STAG2: variants seen among roughly 807,000 people sequenced by gnomAD.
STAG2 encodes the protein cohesin subunit SA-2.
STAG2 carries 14 observed loss-of-function variants against 108.1 expected under a neutral mutation model. The observed-to-expected ratio is 0.13, with a 90% CI of 0.09 to 0.20. The LOEUF (loss-of-function observed/expected upper bound fraction) is 0.20. Ranked by LOEUF, STAG2 falls within the 10% of genes least tolerant of loss-of-function variation. The probability of loss-of-function intolerance (pLI) is 1.00; values close to 1 mark genes in which losing one functional copy is unlikely to be tolerated. For synonymous variants in STAG2, 307 were observed against 302.7 expected (o/e 1.01, Z -0.15); for missense variants, 440 against 940.9 (o/e 0.47, Z 6.96).
intron 1 of STAG2, among the ~76,000 whole-genome samples, chrX:124,009,092 T>C (rs1569501652): frequency 8.9e-6 from 1 of 111,827 alleles, no homozygotes; most frequent in Non-Finnish European, 1.9e-5. Context: ...TATTTGTTTT[T>C]AATAATATAT....
At chrX:124,070,732 G>A (rs1418180792) in intron 24 of STAG2, among the ~76,000 whole-genome samples, 2 of 111,423 alleles carry the variant, frequency 1.8e-5, no homozygotes, top group Non-Finnish European at 3.8e-5. Flanking sequence ...AGAGTGAAGA[G>A]TGGTACCAAG....
intron 25 of STAG2, among the ~76,000 whole-genome samples, chrX:124,074,541 A>G (rs1304440931): frequency 9.0e-6 from 1 of 111,522 alleles, no homozygotes; most frequent in East Asian, 2.8e-4. Context: ...CCCTCCTTCC[A>G]GCAGCATATG....
chrX:124,051,625 C>G (rs1472773570), intron 13 of STAG2, among the ~76,000 whole-genome samples: 1 of 108,709 alleles, frequency 9.2e-6, no homozygotes, highest in African/African-American at 3.4e-5. Context: ...GAGTCTCACT[C>G]TGTCCCCCAG....
At chrX:123,985,307 G>A (rs753599541) in intron 1 of STAG2, among the ~76,000 whole-genome samples, 14 of 111,002 alleles carry the variant, frequency 1.3e-4, no homozygotes, top group Non-Finnish European at 2.3e-4. Flanking sequence ...ACAGCTCATT[G>A]TAGCCTTGGC....
chrX:124,034,703 A>C (rs997412104), intron 5 of STAG2, among the ~76,000 whole-genome samples: 1 of 111,190 alleles, frequency 9.0e-6, no homozygotes, highest in African/African-American at 3.3e-5. Flanking sequence ...CTCAGACACT[A>C]CTACTTTTCC....
At chrX:124,072,631 CTCA>C (rs1165129513) in intron 25 of STAG2, among the ~76,000 whole-genome samples, 1 of 110,287 alleles carries the variant, frequency 9.1e-6, no homozygotes, top group Non-Finnish European at 1.9e-5. Flanking sequence ...GAGACAAGGT[CTCA>C]TCCTTCAAGA....
chrX:124,057,706 A>G, intron 14 of STAG2, among the ~76,000 whole-genome samples, 160 bp from the exon 15 acceptor site: 1 of 112,034 alleles, frequency 8.9e-6, no homozygotes, highest in Middle Eastern at 4.7e-3. Context: ...GTTTATAGCA[A>G]TTATTTGCGT....
intron 1 of STAG2, among the ~76,000 whole-genome samples, chrX:123,962,348 T>TC (rs2053909034): frequency 9.0e-6 from 1 of 110,914 alleles, no homozygotes; most frequent in South Asian, 3.8e-4. Context: ...GGCCTTTTTT[T>TC]CCCCCCGTCG....
chrX:124,047,272 T>C, intron 8 of STAG2, 82 bp from the exon 9 acceptor site: 3 of 869,589 alleles, frequency 3.4e-6, no homozygotes, highest in Non-Finnish European at 4.8e-6. Context: ...TCATTTCTGC[T>C]TAATATTTCT....
chrX:124,056,731 TAAAAAAAAAA>T (rs771229412), intron 14 of STAG2, among the ~76,000 whole-genome samples: 3 of 42,381 alleles, frequency 7.1e-5, no homozygotes, highest in South Asian at 3.4e-3. Context: ...AGACTCCATC[TAAAAAAAAAA>T]AAAAAAAAAA....
In STAG2 at chrX:124,071,151, C is replaced by T. The variant is rs2148372694; in HGVS notation, c.2361C>T (p.Ala787=). 1 of 1,115,211 alleles carries T rather than the reference C, an allele frequency of 9.0e-7. No homozygotes were observed. The highest frequency in any genetic ancestry group is 1.2e-6 in the Non-Finnish European group (1 of 852,597). 91.9% of individuals were successfully genotyped at this position (1,115,211 alleles called of 1,213,427 possible). ...TNVNTTVKEQ[A]FTILCDILMI... ...CTCTTTTTTTTTTTTTTAAATAGGCCTTCACTATTCTGTGTGATATTTTGA... is the reference window on the plus strand; with the variant it reads ...CTCTTTTTTTTTTTTTTAAATAGGCTTTCACTATTCTGTGTGATATTTTGA... The change falls in exon 25 of 35, where the codon GCC becomes GCT. Residue 787 remains alanine, a splice_region_variant and synonymous_variant. Transcript: ENST00000371145.
At position 124,067,665 on chromosome X, in the gene STAG2, C is replaced by G. The variant is rs768808227; in HGVS notation, c.2266-899C>G. ...CTATATTACCATGTATAATTGCTCA[C>G]CTATGTTGGAAGTTAAAAACTAAAC... On this transcript the variant is annotated intron_variant, in intron 23 of 34. Transcript: ENST00000371145. Among the ~76,000 whole-genome samples the G allele has an allele frequency of 1.4e-3, 152 of 110,864 alleles. 1 individual carries two copies. The highest frequency in any genetic ancestry group is 2.3e-3 in the Non-Finnish European group (121 of 52,967).
In STAG2 at chrX:124,049,025, A is replaced by G. The variant is rs780735530; in HGVS notation, c.840A>G (p.Glu280=). ...TACAGCTTCAGGAAAATCAAGATGA[A>G]ATAGAAAATATGATGAATGCAATAT... ...KRKELQENQD[E]IENMMNAIFK... Residue 280 remains glutamate, a synonymous_variant, in exon 10 of 35, where the codon GAA becomes GAG. Coordinates refer to ENST00000371145, the MANE Select transcript of STAG2 (RefSeq NM_001042750.2). 2 of 1,200,653 alleles carry G rather than the reference A, an allele frequency of 1.7e-6. No homozygotes were observed. The highest frequency in any genetic ancestry group is 2.3e-4 in the Middle Eastern group (1 of 4,319).
intron 1 of STAG2, among the ~76,000 whole-genome samples, chrX:124,015,225 A>T (rs1176347637): frequency 6.5e-5 from 7 of 107,194 alleles, no homozygotes; most frequent in Admixed American, 6.1e-4. Flanking sequence ...TGACCTCGTG[A>T]TCCTCCCGCC....
chrX:123,988,412 C>CT lies in STAG2; in HGVS notation c.-163+26567dup, dbSNP rs1226089367. On this transcript the variant is annotated intron_variant, in intron 1 of 34. Coordinates refer to ENST00000371145, the MANE Select transcript of STAG2 (RefSeq NM_001042750.2). ...TGTTATGTAAATAAATCTTAATGGA[C>CT]TTTTTTTTTTTGAGAATCTTCAACT... Among the ~76,000 whole-genome samples the CT allele has an allele frequency of 6.1e-3, 631 of 103,392 alleles. 3 individuals carry two copies. The highest frequency in any genetic ancestry group is 0.015 in the Middle Eastern group (3 of 201). 89.8% of individuals were successfully genotyped at this position (103,392 alleles called of 115,157 possible).
intron 6 of STAG2, among the ~76,000 whole-genome samples, chrX:124,040,574 T>C (rs1409985716): frequency 9.2e-6 from 1 of 109,250 alleles, no homozygotes; most frequent in Admixed American, 1.0e-4. Context: ...TGTTTTTGGG[T>C]TTCTGGATGT....
chrX:123,971,911 A>G (rs1437030041), intron 1 of STAG2, among the ~76,000 whole-genome samples: 1 of 112,174 alleles, frequency 8.9e-6, no homozygotes. Flanking sequence ...ATTCTGTAGC[A>G]TAGTTTGAGA....
rs779216734 is a variant in STAG2, at chrX:123,967,328, C to T, written c.-163+5472C>T. Among the ~76,000 whole-genome samples the T allele has an allele frequency of 1.4e-4, 12 of 85,651 alleles. No homozygotes were observed. The East Asian group carries it at 3.4e-3, about 24-fold the overall frequency. 74.4% of individuals were successfully genotyped at this position (85,651 alleles called of 115,157 possible). A position where few individuals can be genotyped will look rare whatever the true frequency, so the allele number is the denominator to read the frequency against. ...TTGCCCAGGCTAGAGTGCAATGGTG[C>T]GATCTTGGCTCACTGCAACCTCCAC... On this transcript the variant is annotated intron_variant, in intron 1 of 34. Transcript: ENST00000371145.
intron 23 of STAG2, among the ~76,000 whole-genome samples, chrX:124,067,361 C>A (rs955697492): frequency 1.0e-5 from 1 of 98,272 alleles, no homozygotes; most frequent in South Asian, 5.4e-4. Context: ...CTCTGACTTG[C>A]GGGTTCAAGC....
Sources: allele counts gnomAD v4.1 joint callset (sites outside exome capture counted in the v4.1 genomes callset), GRCh38; gene constraint gnomAD v4.1.1; transcripts MANE v1.5; gene names NCBI Gene and HGNC (gene_info 2026-07-23, HGNC 2026-07-21).